OGG1: variants seen among roughly 807,000 people sequenced by gnomAD.
The protein encoded by OGG1 is N-glycosylase/DNA lyase.
Under a neutral mutation model 42.3 loss-of-function variants are expected in OGG1, and 35 were observed. The observed-to-expected ratio is 0.83, with a 90% CI of 0.63 to 1.10. The LOEUF (loss-of-function observed/expected upper bound fraction) is 1.10, where lower values mean the gene tolerates loss of function less well. Ranked by LOEUF, OGG1 falls within the 50% of genes least tolerant of loss-of-function variation. The pLI is 0.00. For synonymous variants in OGG1, 189 were observed against 179.0 expected (o/e 1.06, Z -0.44); for missense variants, 484 against 446.7 (o/e 1.08, Z -0.75).
At chr3:9,761,948 G>A (rs2077897702), downstream of OGG1, 3 of 720,570 alleles carry the variant, frequency 4.2e-6, no homozygotes, top group Admixed American at 6.0e-5. Flanking sequence ...GCTCAAGAGG[G>A]TGTGGGGGGG....
chr3:9,752,656 A>G (rs3219004), intron 3 of OGG1, among the ~76,000 whole-genome samples: 11 of 152,154 alleles, frequency 7.2e-5, no homozygotes, highest in African/African-American at 2.2e-4. Context: ...AGGCAAGTGT[A>G]TCGATTGGCA....
At chr3:9,779,583 C>G (rs2078413997) in intron 2 of OGG1, among the ~76,000 whole-genome samples, 1 of 151,872 alleles carries the variant, frequency 6.6e-6, no homozygotes, top group Non-Finnish European at 1.5e-5. Context: ...TGCAGCACAC[C>G]AACATGGCAC....
intron 3 of OGG1, among the ~76,000 whole-genome samples, chr3:9,785,584 T>C (rs1478182571): frequency 6.6e-6 from 1 of 152,222 alleles, no homozygotes; most frequent in South Asian, 2.1e-4. Flanking sequence ...CAAATTGCTT[T>C]GATCATTCTA....
chr3:9,779,092 A>G (rs17532636), intron 2 of OGG1, among the ~76,000 whole-genome samples: 1,701 of 152,120 alleles, frequency 0.011, 12 homozygotes, highest in Non-Finnish European at 0.018. Flanking sequence ...CCTTAGGCCA[A>G]GCTTCCTGCC....
At chr3:9,759,821 C>T (rs759511692), downstream of OGG1, 29 of 1,612,932 alleles carry the variant, frequency 1.8e-5, no homozygotes, top group South Asian at 3.2e-4. Flanking sequence ...AGAGCATACC[C>T]ACTCCCTCAG....
rs946603388 is a variant in OGG1, at chr3:9,749,967, T to A, written c.-320T>A. On this transcript the variant is annotated 5_prime_UTR_variant, in exon 1 of 7. Transcript: ENST00000344629. ...CCCTACTTCCGGTGGTGCTGTGGTC[T>A]GCCCCTGGAGAACCCAGAAGAACAC... The A allele has an allele frequency of 1.9e-5, 7 of 368,294 alleles. No homozygotes were observed. Among genetic ancestry groups the A allele is most frequent in the African/African-American group, 4.1e-5 (2 of 49,298 alleles). 22.8% of individuals were successfully genotyped at this position (368,294 alleles called of 1,614,324 possible).
At chr3:9,789,812 C>T, downstream of OGG1, 2 of 1,614,208 alleles carry the variant, frequency 1.2e-6, no homozygotes, top group Non-Finnish European at 1.7e-6. Context: ...GGATTTGGGC[C>T]GTCCTGGGCC....
At chr3:9,766,612 A>T in exon 8 of OGG1, 1 of 1,030,898 alleles carries the variant, frequency 9.7e-7, no homozygotes, top group Non-Finnish European at 1.2e-6. Context: ...GTTTTAGAAC[A>T]GGTTCTTAAA....
intron 2 of OGG1, among the ~76,000 whole-genome samples, chr3:9,774,271 T>C (rs2125607108): frequency 6.6e-6 from 1 of 152,078 alleles, no homozygotes; most frequent in South Asian, 2.1e-4. Context: ...TAGCCAGGTG[T>C]GGTGGCGCAT....
At chr3:9,767,629 C>T, downstream of OGG1, 1 of 1,612,764 alleles carries the variant, frequency 6.2e-7, no homozygotes, top group Non-Finnish European at 8.5e-7. Flanking sequence ...ACTCAGCCTC[C>T]CTCAGCCATC....
intron 7 of OGG1, among the ~76,000 whole-genome samples, chr3:9,763,426 C>T (rs566999829): frequency 1.1e-3 from 170 of 149,316 alleles, no homozygotes; most frequent in African/African-American, 4.0e-3. Context: ...AAAAAAACAG[C>T]GGTTTAGAGC....
At chr3:9,789,995 A>T (rs963946592), downstream of OGG1, 3 of 1,553,998 alleles carry the variant, frequency 1.9e-6, no homozygotes, top group African/African-American at 4.1e-5. Context: ...ACTGAGGGGG[A>T]GAAGGGAAAA....
At chr3:9,773,974 G>A (rs754849411) in intron 2 of OGG1, among the ~76,000 whole-genome samples, 17 of 152,168 alleles carry the variant, frequency 1.1e-4, no homozygotes, top group African/African-American at 2.9e-4. Flanking sequence ...CCAGAGTGCC[G>A]GGATTATAGG....
rs1346218668 is a variant in OGG1 at position 9,756,759 on chromosome 3, T to C, written c.899-8T>C. 1 of 1,614,180 alleles carries C rather than the reference T, an allele frequency of 6.2e-7. No homozygotes were observed. The highest frequency in any genetic ancestry group is 1.7e-5 in the Admixed American group (1 of 60,016). On this transcript the variant is annotated splice_region_variant and splice_polypyrimidine_tract_variant and intron_variant, in intron 5 of 6. Coordinates refer to ENST00000344629, the MANE Select transcript of OGG1 (RefSeq NM_002542.6). ...TCAGATAACTTAGTCTCATCACTTC[T>C]GATTTAGGAAACTTTTTCCGGAGCC...
chr3:9,761,008 C>G, downstream of OGG1: 1 of 504,230 alleles, frequency 2.0e-6, no homozygotes, highest in Non-Finnish European at 3.5e-6. Context: ...GCCTATGCCA[C>G]TCTTTCCCCA....
chr3:9,756,495 GCCCTAGACAAGC>G lies in OGG1; in HGVS notation c.776_787del (p.Leu259_Pro262del). The G allele has an allele frequency of 6.2e-7, 1 of 1,614,142 alleles. No individual in the cohort carries two copies. Among genetic ancestry groups the G allele is most frequent in the Non-Finnish European group, 8.5e-7 (1 of 1,180,030 alleles). ...GGTGGCTGACTGCATCTGCCTGATG[GCCCTAGACAAGC>G]CCCAGGCTGTGCCCGTGGATGTCCA... is the stretch of plus-strand genomic sequence containing the variant. On this transcript the variant is annotated inframe_deletion, in exon 5 of 7. Coordinates refer to ENST00000344629, the MANE Select transcript of OGG1 (RefSeq NM_002542.6).
At chr3:9,757,728 C>A (rs2077651804), downstream of OGG1, 4 of 1,614,122 alleles carry the variant, frequency 2.5e-6, no homozygotes, top group East Asian at 4.5e-5. This position sits in a 1 kb window ranked among gnomAD's most constrained non-coding sequence, Gnocchi z 4.5. Flanking sequence ...CCGCTCCTCA[C>A]CCCCAGCCAC....
chr3:9,757,422 G>A (rs970437211), downstream of OGG1: 14 of 1,608,888 alleles, frequency 8.7e-6, no homozygotes, highest in African/African-American at 1.6e-4. The surrounding 1 kb of genome is among the most constrained non-coding windows in gnomAD (Gnocchi z 4.5). Flanking sequence ...GTGAGGAGTG[G>A]TAGGGAAGCA....
intron 7 of OGG1, chr3:9,762,914 C>G: frequency 6.2e-7 from 1 of 1,614,112 alleles, no homozygotes; most frequent in Non-Finnish European, 8.5e-7. Flanking sequence ...TGAGCCCCAC[C>G]TTGAGATCCC....
Sources: gnomAD v4.1 joint callset for allele counts (sites outside exome capture counted in the v4.1 genomes callset) on GRCh38, gnomAD v4.1.1 for gene constraint, Gnocchi (gnomAD v3.1) non-coding constraint, MANE v1.5 for transcripts, NCBI Gene and HGNC (gene_info 2026-07-23, HGNC 2026-07-21) for gene names.